Variants in PALLD observed in about 807,000 individuals in gnomAD.
PALLD encodes the protein palladin, cytoskeletal associated protein, also known as palladin.
Under a neutral mutation model 123.5 loss-of-function variants are expected in PALLD, and 61 were observed. The observed-to-expected ratio is 0.49, with a 90% confidence interval of 0.40 to 0.61. The LOEUF (loss-of-function observed/expected upper bound fraction) is 0.61, where lower values mean the gene tolerates loss of function less well. Ranked by LOEUF, PALLD falls within the 20% of genes least tolerant of loss-of-function variation. The pLI is 0.00. For missense variants in PALLD, 1,273 were observed against 1,377.0 expected (o/e 0.92, Z 1.20); for synonymous variants, 465 against 496.4 (o/e 0.94, Z 0.84).
At chr4:168,826,283 A>C (rs1743408261) in intron 10 of PALLD, among the ~76,000 whole-genome samples, 1 of 152,202 alleles carries the variant, frequency 6.6e-6, no homozygotes, top group Admixed American at 6.5e-5. Context: ...ATGCGCAATA[A>C]AACTTGGCAA....
intron 2 of PALLD, among the ~76,000 whole-genome samples, chr4:168,577,979 T>G (rs994505078): frequency 6.6e-6 from 1 of 152,062 alleles, no homozygotes; most frequent in African/African-American, 2.4e-5. Flanking sequence ...CATCACTTCC[T>G]GGAGAAAATG....
intron 19 of PALLD, 51 bp downstream of exon 19, chr4:168,924,471 G>A (rs781253166): frequency 3.4e-6 from 5 of 1,484,408 alleles, no homozygotes; most frequent in Non-Finnish European, 4.7e-6. Context: ...TCCTAATGAT[G>A]TATCAAAAGA....
chr4:168,529,339 G>GAAA (rs1209143641), intron 2 of PALLD, among the ~76,000 whole-genome samples: 1 of 139,588 alleles, frequency 7.2e-6, no homozygotes, highest in African/African-American at 2.6e-5. Flanking sequence ...TCTGTCTCGA[G>GAAA]AAAAAAAAAA....
intron 10 of PALLD, among the ~76,000 whole-genome samples, chr4:168,802,251 A>C (rs1227892948): frequency 6.6e-6 from 1 of 152,240 alleles, no homozygotes; most frequent in Non-Finnish European, 1.5e-5. Flanking sequence ...ATATTACATA[A>C]CAATAGGATC....
chr4:168,776,146 T>G (rs1219922535), intron 10 of PALLD, among the ~76,000 whole-genome samples: 3 of 152,212 alleles, frequency 2.0e-5, no homozygotes, highest in Non-Finnish European at 4.4e-5. Context: ...CTCAAAAACA[T>G]TGCATCTCAT....
intron 10 of PALLD, among the ~76,000 whole-genome samples, chr4:168,878,683 G>GGC (rs1491179108): frequency 6.5e-4 from 18 of 27,638 alleles, no homozygotes; most frequent in Non-Finnish European, 1.2e-3. Context: ...TAATCATTAT[G>GGC]GGGGGGGGGG....
intron 10 of PALLD, among the ~76,000 whole-genome samples, chr4:168,807,813 C>G (rs1032125097): frequency 6.6e-6 from 1 of 152,170 alleles, no homozygotes; most frequent in Admixed American, 6.5e-5. Context: ...TCAAGTGATT[C>G]TCCTGCCTCA....
chr4:168,536,140 C>G (rs1765065618), intron 2 of PALLD, among the ~76,000 whole-genome samples: 1 of 152,072 alleles, frequency 6.6e-6, no homozygotes, highest in Non-Finnish European at 1.5e-5. Context: ...CTAATTATTC[C>G]AGATCTATGA....
At chr4:168,801,840 C>T (rs1739387670) in intron 10 of PALLD, among the ~76,000 whole-genome samples, 1 of 152,186 alleles carries the variant, frequency 6.6e-6, no homozygotes, top group Non-Finnish European at 1.5e-5. Context: ...AGCTCTAGGA[C>T]ATGGTCCATG....
chr4:168,601,323 G>A (rs938271439), intron 2 of PALLD, among the ~76,000 whole-genome samples: 16 of 152,078 alleles, frequency 1.1e-4, no homozygotes, highest in Non-Finnish European at 4.4e-5. Flanking sequence ...GGTCATTTTG[G>A]TCACCTTTGG....
intron 2 of PALLD, among the ~76,000 whole-genome samples, chr4:168,610,455 C>T (rs566168270): frequency 6.2e-4 from 94 of 152,296 alleles, no homozygotes; most frequent in African/African-American, 2.2e-3. Flanking sequence ...GGGACTTCGT[C>T]GAAGGTTGTG....
intron 2 of PALLD, among the ~76,000 whole-genome samples, chr4:168,641,035 C>T (rs972252888): frequency 2.6e-5 from 4 of 152,108 alleles, no homozygotes; most frequent in South Asian, 2.1e-4. Context: ...AGTGAAACCC[C>T]GTCTCTACTA....
intron 2 of PALLD, among the ~76,000 whole-genome samples, chr4:168,583,661 G>T (rs774175190): frequency 1.6e-4 from 24 of 152,166 alleles, no homozygotes; most frequent in Admixed American, 7.2e-4. Context: ...CACTTGAAAA[G>T]AATATTTATT....
intron 17 of PALLD, among the ~76,000 whole-genome samples, chr4:168,919,143 T>C (rs1406714642): frequency 6.6e-6 from 1 of 152,188 alleles, no homozygotes; most frequent in Admixed American, 6.5e-5. Flanking sequence ...ATAACTGTCC[T>C]TAAAACGCCT....
intron 10 of PALLD, among the ~76,000 whole-genome samples, chr4:168,740,796 G>T (rs1004823396): frequency 6.6e-6 from 1 of 152,170 alleles, no homozygotes; most frequent in Admixed American, 6.5e-5. Context: ...ATATGAAATG[G>T]ATATAAATCC....
At chr4:168,687,959 G>T (rs1044202948) in intron 6 of PALLD, among the ~76,000 whole-genome samples, 1 of 152,182 alleles carries the variant, frequency 6.6e-6, no homozygotes, top group Non-Finnish European at 1.5e-5. Flanking sequence ...GCCACTGGAA[G>T]CTCAGAGCCA....
At chr4:168,587,947 G>C (rs1025241447) in intron 2 of PALLD, among the ~76,000 whole-genome samples, 1 of 152,052 alleles carries the variant, frequency 6.6e-6, no homozygotes, top group East Asian at 1.9e-4. Flanking sequence ...ATGAGACTGC[G>C]AGGCGTGTCA....
At chr4:168,912,328 TCTG>T (rs1759141258) in intron 15 of PALLD, among the ~76,000 whole-genome samples, 1 of 152,246 alleles carries the variant, frequency 6.6e-6, no homozygotes, top group African/African-American at 2.4e-5. Flanking sequence ...TGATGGTACA[TCTG>T]CTTCTTGTTT....
At chr4:168,922,994 ATGGGAATATAATGCC>A (rs1347096513) in intron 18 of PALLD, among the ~76,000 whole-genome samples, 2 of 152,226 alleles carry the variant, frequency 1.3e-5, no homozygotes, top group East Asian at 3.8e-4. Flanking sequence ...CATATATAAA[ATGGGAATATAATGCC>A]TCACAGTGCT....
Sources: allele counts gnomAD v4.1 joint callset (sites outside exome capture counted in the v4.1 genomes callset), GRCh38; gene constraint gnomAD v4.1.1; transcripts MANE v1.5; gene names NCBI Gene and HGNC (gene_info 2026-07-23, HGNC 2026-07-21).